Variants in ATE1 observed in about 807,000 individuals in gnomAD.
ATE1 encodes arginyl-tRNA--protein transferase 1.
In ATE1, 36 loss-of-function variants were observed where a neutral mutation model predicts 70.5. That is an observed-to-expected ratio of 0.51 (90% confidence interval 0.39 to 0.67). The LOEUF (loss-of-function observed/expected upper bound fraction) is 0.67, where lower values mean the gene tolerates loss of function less well. ATE1 is among the 30% of genes least tolerant of loss of function. The pLI is 0.00. For missense variants in ATE1, 593 were observed against 629.5 expected (o/e 0.94, Z 0.62); for synonymous variants, 232 against 219.3 (o/e 1.06, Z -0.51).
intron 3 of ATE1, among the ~76,000 whole-genome samples, chr10:121,922,026 T>C (rs1196421114): frequency 2.6e-5 from 4 of 152,212 alleles, no homozygotes; most frequent in Admixed American, 2.0e-4. Context: ...CTAAGTCCTA[T>C]AATATTTAAT....
At position 121,899,851 on chromosome 10, in the gene ATE1, A is replaced by C. The variant is rs1950910929; in HGVS notation, c.942+15T>G. 1.2e-6 allele frequency: 2 copies of C among 1,609,846 alleles called. No homozygotes were observed. The highest frequency in any genetic ancestry group is 1.7e-6 in the Non-Finnish European group (2 of 1,177,904). On this transcript the variant is annotated intron_variant, in intron 7 of 11. Transcript: ENST00000224652. ...AGCTCTGTTTGCACAGGAAAATTACACTTGGCCTGCTGACCTGGCTTTCGG... is the reference window on the plus strand; with the variant it reads ...AGCTCTGTTTGCACAGGAAAATTACCCTTGGCCTGCTGACCTGGCTTTCGG...
At chr10:121,755,876 A>G (rs566742043) in intron 11 of ATE1, among the ~76,000 whole-genome samples, 1 of 152,198 alleles carries the variant, frequency 6.6e-6, no homozygotes, top group Non-Finnish European at 1.5e-5. Flanking sequence ...GAGCCAAACC[A>G]TATCATTCCG....
At chr10:121,849,877 A>T (rs192520262) in intron 8 of ATE1, among the ~76,000 whole-genome samples, 79 of 152,192 alleles carry the variant, frequency 5.2e-4, no homozygotes, top group Middle Eastern at 3.4e-3. Flanking sequence ...AAAAAAAAAA[A>T]TTCAGTGCCT....
At chr10:121,851,931 G>A (rs948473694) in intron 8 of ATE1, among the ~76,000 whole-genome samples, 4 of 152,244 alleles carry the variant, frequency 2.6e-5, no homozygotes, top group African/African-American at 9.6e-5. Flanking sequence ...GCACTGTGTA[G>A]AAATGTCATC....
intron 4 of ATE1, among the ~76,000 whole-genome samples, chr10:121,911,493 C>T (rs545648672): frequency 1.3e-5 from 2 of 150,874 alleles, no homozygotes; most frequent in East Asian, 3.9e-4. Flanking sequence ...GGGCAATGTA[C>T]TGCCAGTCCC....
At chr10:121,747,247 A>G (rs1944407667) in intron 11 of ATE1, among the ~76,000 whole-genome samples, 1 of 152,224 alleles carries the variant, frequency 6.6e-6, no homozygotes, top group African/African-American at 2.4e-5. Flanking sequence ...AGATGGACAT[A>G]AACTGTCAAG....
intron 10 of ATE1, among the ~76,000 whole-genome samples, chr10:121,806,714 T>G (rs547778755): frequency 4.7e-4 from 71 of 152,288 alleles, no homozygotes; most frequent in African/African-American, 1.7e-3. Context: ...AAACCTACTT[T>G]AAATGGTTTA....
At chr10:121,853,141 G>A (rs938595362) in intron 8 of ATE1, among the ~76,000 whole-genome samples, 1 of 152,036 alleles carries the variant, frequency 6.6e-6, no homozygotes, top group Non-Finnish European at 1.5e-5. Flanking sequence ...GAGGTGGGCC[G>A]ATCACGAGGT....
intron 11 of ATE1, among the ~76,000 whole-genome samples, chr10:121,777,979 T>C (rs981127938): frequency 1.3e-5 from 2 of 152,224 alleles, no homozygotes; most frequent in African/African-American, 2.4e-5. Flanking sequence ...GACTTATACA[T>C]TGAAAATAAG....
At chr10:121,833,851 C>T (rs1351256749) in intron 10 of ATE1, among the ~76,000 whole-genome samples, 1 of 152,126 alleles carries the variant, frequency 6.6e-6, no homozygotes, top group Non-Finnish European at 1.5e-5. Context: ...TCATGAGGCT[C>T]TCAGCTGTGA....
intron 10 of ATE1, among the ~76,000 whole-genome samples, chr10:121,820,438 G>A (rs1333327948): frequency 2.0e-5 from 3 of 152,272 alleles, no homozygotes; most frequent in Non-Finnish European, 2.9e-5. Context: ...AAAATGGGAC[G>A]TGACTGGCAA....
At chr10:121,748,766 A>G (rs1319259012) in intron 11 of ATE1, among the ~76,000 whole-genome samples, 1 of 152,152 alleles carries the variant, frequency 6.6e-6, no homozygotes, top group Non-Finnish European at 1.5e-5. Flanking sequence ...TTCACTTTTT[A>G]ATGTCATACA....
rs550829327 is a variant in ATE1, at chr10:121,809,487, A to T, written c.1258-19198T>A. 1.1e-4 allele frequency among the ~76,000 whole-genome samples: 16 copies of T among 152,248 alleles called. 1 individual carries two copies. In the South Asian group the frequency reaches 3.3e-3, roughly 32 times the overall value. ...GGAAAAAACACATGTACTTATAATTAAATAATCTTTATTGTTTCATCAAGA... is the reference window on the plus strand; with the variant it reads ...GGAAAAAACACATGTACTTATAATTTAATAATCTTTATTGTTTCATCAAGA... On this transcript the variant is annotated intron_variant, in intron 10 of 11. Coordinates refer to ENST00000224652, the MANE Select transcript of ATE1 (RefSeq NM_001001976.3).
At chr10:121,779,477 G>A (rs192034084) in intron 11 of ATE1, among the ~76,000 whole-genome samples, 6 of 152,234 alleles carry the variant, frequency 3.9e-5, no homozygotes, top group East Asian at 3.9e-4. Flanking sequence ...TGCCACACCC[G>A]TTTTATCTTC....
At chr10:121,772,633 T>A (rs888233827) in intron 11 of ATE1, among the ~76,000 whole-genome samples, 1 of 152,190 alleles carries the variant, frequency 6.6e-6, no homozygotes, top group African/African-American at 2.4e-5. Context: ...CAAAGTCACG[T>A]CATGCTCCAT....
At chr10:121,846,980 A>G (rs114482098) in intron 8 of ATE1, among the ~76,000 whole-genome samples, 2,035 of 152,272 alleles carry the variant, frequency 0.013, 48 homozygotes, top group African/African-American at 0.046. Flanking sequence ...ATGGACACCA[A>G]TATTCTGTCT....
At chr10:121,854,682 G>GA (rs1297924644) in intron 8 of ATE1, among the ~76,000 whole-genome samples, 12 of 151,508 alleles carry the variant, frequency 7.9e-5, no homozygotes, top group Admixed American at 5.9e-4. Flanking sequence ...AATGAGAAAG[G>GA]AAAAAAAACG....
rs553426359 is a variant in ATE1, at chr10:121,823,215, G to A, written c.1257+13503C>T. Among the ~76,000 whole-genome samples, 19 of 152,198 alleles carry A rather than the reference G, an allele frequency of 1.2e-4. No homozygotes were observed. In the South Asian group the frequency reaches 2.1e-3, roughly 17 times the overall value. The stretch of plus-strand genomic sequence containing the variant: ...TGAGGCAGGAGAATGACATGAACCC[G>A]GGAGGCAGAGCTTGCAGTGAGCTGA... On this transcript the variant is annotated intron_variant, in intron 10 of 11. Transcript: ENST00000224652.
chr10:121,811,554 T>C (rs756845923), intron 10 of ATE1, among the ~76,000 whole-genome samples: 10 of 152,208 alleles, frequency 6.6e-5, no homozygotes, highest in Non-Finnish European at 1.3e-4. Context: ...ACTGAAGGCC[T>C]TGGGCTATGT....
Sources: gnomAD v4.1 joint callset for allele counts (sites outside exome capture counted in the v4.1 genomes callset) on GRCh38, gnomAD v4.1.1 for gene constraint, MANE v1.5 for transcripts, NCBI Gene and HGNC (gene_info 2026-07-23, HGNC 2026-07-21) for gene names.